Variants in TNFAIP8L1 observed in about 807,000 individuals in gnomAD.
TNFAIP8L1 encodes the protein TNF alpha induced protein 8 like 1.
For synonymous variants in TNFAIP8L1, 127 were observed against 125.6 expected, an observed-to-expected ratio of 1.01 and a Z score of -0.08; for missense variants, 225 against 266.1, an observed-to-expected ratio of 0.85 and a Z score of 1.08.
At chr19:4,650,656 C>T (rs965211359) in intron 1 of TNFAIP8L1, among the ~76,000 whole-genome samples, 2 of 152,040 alleles carry the variant, frequency 1.3e-5, no homozygotes, top group South Asian at 2.1e-4. Flanking sequence ...AGGCTCTCAC[C>T]TTGGCCACCT....
At position 4,654,614 on chromosome 19, in the gene TNFAIP8L1, T is replaced by C. The variant is rs1599832761; in HGVS notation, c.*2184T>C. 1 of 152,298 alleles carries C rather than the reference T, an allele frequency of 6.6e-6. No individual in the cohort carries two copies. Among genetic ancestry groups the C allele is most frequent in the East Asian group, 1.9e-4 (1 of 5,184 alleles). 9.4% of individuals were successfully genotyped at this position (152,298 alleles called of 1,614,324 possible). On this transcript the variant is annotated 3_prime_UTR_variant, in exon 2 of 2. Coordinates refer to ENST00000327473, the MANE Select transcript of TNFAIP8L1 (RefSeq NM_152362.3). ...ACCTCGGCCTCACAAAGTGTGCACA[T>C]TGTAATATCGTGATTTCATATTTGG...
In TNFAIP8L1 at chr19:4,653,210, CAGGAT is replaced by C. The variant is rs2145176131; in HGVS notation, c.*782_*786del. On this transcript the variant is annotated 3_prime_UTR_variant, in exon 2 of 2. Transcript: ENST00000327473. The stretch of plus-strand genomic sequence containing the variant: ...GTCCCAGCTACTCGGGAGGCTGAGG[CAGGAT>C]AATCACTTGAACCAGGAGGAGGAGG... 1 of 166,924 alleles carries C rather than the reference CAGGAT, an allele frequency of 6.0e-6. No individual in the cohort carries two copies. The highest frequency in any genetic ancestry group is 2.1e-4 in the South Asian group (1 of 4,818). 10.3% of individuals were successfully genotyped at this position (166,924 alleles called of 1,614,324 possible). A position where few individuals can be genotyped will look rare whatever the true frequency, so the allele number is the denominator to read the frequency against.
chr19:4,647,344 T>C (rs573502151), intron 1 of TNFAIP8L1, among the ~76,000 whole-genome samples: 130 of 152,062 alleles, frequency 8.5e-4, no homozygotes, highest in Non-Finnish European at 1.4e-3. Flanking sequence ...TGACGGAGTC[T>C]CGCTCTATCA....
In TNFAIP8L1 at chr19:4,655,365, T is replaced by C. The variant is rs1226475285; in HGVS notation, c.*2935T>C. On this transcript the variant is annotated 3_prime_UTR_variant, in exon 2 of 2. Transcript: ENST00000327473. ...CACTTATCTTAGGCCGAGAGACAGC[T>C]CTTCAAGAACGTACATGGATCCTGA... 1 of 152,264 alleles carries C rather than the reference T, an allele frequency of 6.6e-6. No individual in the cohort carries two copies. The highest frequency in any genetic ancestry group is 1.5e-5 in the Non-Finnish European group (1 of 68,062). 9.4% of individuals were successfully genotyped at this position (152,264 alleles called of 1,614,324 possible).
intron 1 of TNFAIP8L1, among the ~76,000 whole-genome samples, chr19:4,651,529 C>A (rs920279088): frequency 6.6e-6 from 1 of 151,988 alleles, no homozygotes; most frequent in African/African-American, 2.4e-5. Context: ...CTCCGCCTCC[C>A]GGGCTCAAGG....
chr19:4,652,194 T>C lies in TNFAIP8L1; in HGVS notation c.325T>C (p.Phe109Leu), dbSNP rs1568282840. The change falls in exon 2 of 2, where the codon TTC becomes CTC. Residue 109 changes from phenylalanine (F) to leucine (L), a missense_variant. Transcript: ENST00000327473. ...GGCCGTCAGCTTCCACCAGGTGGAC[T>C]TCACCTTCGACCGGCGCGTGCTGGC... ...MTAVSFHQVD[F>L]TFDRRVLAAG... 1 of 1,546,760 alleles carries C rather than the reference T, an allele frequency of 6.5e-7. No homozygotes were observed. Among genetic ancestry groups the C allele is most frequent in the Non-Finnish European group, 8.7e-7 (1 of 1,147,560 alleles).
chr19:4,642,761 G>A (rs1261394176), intron 1 of TNFAIP8L1, among the ~76,000 whole-genome samples: 1 of 151,932 alleles, frequency 6.6e-6, no homozygotes, highest in Non-Finnish European at 1.5e-5. Flanking sequence ...AGGGCAGGGA[G>A]GGGACAGGGC....
chr19:4,643,501 G>C (rs536581055), intron 1 of TNFAIP8L1, among the ~76,000 whole-genome samples: 151 of 152,324 alleles, frequency 9.9e-4, no homozygotes, highest in African/African-American at 3.0e-3. Context: ...AAAGTGTCCA[G>C]GCTCCCCGCC....
chr19:4,650,026 C>T (rs1347045956), intron 1 of TNFAIP8L1, among the ~76,000 whole-genome samples: 10 of 152,212 alleles, frequency 6.6e-5, no homozygotes, highest in South Asian at 2.1e-4. Flanking sequence ...TGAGAGAGAC[C>T]GGGGGCGGGT....
intron 1 of TNFAIP8L1, among the ~76,000 whole-genome samples, chr19:4,644,690 G>GC (rs1473430855): frequency 7.6e-6 from 1 of 132,330 alleles, no homozygotes; most frequent in Non-Finnish European, 1.5e-5. Context: ...TGCAACCTCT[G>GC]CCCCCCAGGT....
At position 4,652,242 on chromosome 19, in the gene TNFAIP8L1, G is replaced by A; in HGVS notation, c.373G>A (p.Asp125Asn). ...VLAAGLLECR[D>N]LLHQAVGPHL... is the part of the protein sequence containing the mutation. Reference sequence around the variant, plus strand: ...GGCCGCCGGGCTGCTCGAGTGCCGCGACCTGCTGCACCAGGCCGTGGGTCC... The same window carrying A: ...GGCCGCCGGGCTGCTCGAGTGCCGCAACCTGCTGCACCAGGCCGTGGGTCC... Residue 125 changes from aspartate (D) to asparagine (N), a missense_variant, in exon 2 of 2, where the codon GAC becomes AAC. Transcript: ENST00000327473. 1.3e-6 allele frequency: 2 copies of A among 1,553,246 alleles called. No individual in the cohort carries two copies. The highest frequency in any genetic ancestry group is 1.7e-4 in the Middle Eastern group (1 of 5,984).
chr19:4,648,980 A>C (rs1599827611), intron 1 of TNFAIP8L1, among the ~76,000 whole-genome samples: 1 of 133,024 alleles, frequency 7.5e-6, no homozygotes, highest in South Asian at 2.3e-4. Flanking sequence ...CCCAGGCTGG[A>C]GTCCAGTGGT....
At chr19:4,647,241 C>T (rs888763253) in intron 1 of TNFAIP8L1, among the ~76,000 whole-genome samples, 3 of 152,122 alleles carry the variant, frequency 2.0e-5, no homozygotes, top group Admixed American at 6.6e-5. Flanking sequence ...GTAGATCCCC[C>T]AAAGTGGAAT....
rs749788326 is a variant in TNFAIP8L1, at chr19:4,652,133, G to A, written c.264G>A (p.Arg88=). The part of the protein sequence containing the change: ...QLGGEELALL[R]RFRHRARCLA... ...GCGGTGAGGAGCTGGCGCTGCTGCGGCGCTTCCGCCACCGGGCGCGCTGCC... is the reference window on the plus strand; with the variant it reads ...GCGGTGAGGAGCTGGCGCTGCTGCGACGCTTCCGCCACCGGGCGCGCTGCC... The change falls in exon 2 of 2, where the codon CGG becomes CGA. Residue 88 remains arginine, a synonymous_variant. Transcript: ENST00000327473. 2 of 1,576,722 alleles carry A rather than the reference G, an allele frequency of 1.3e-6. No homozygotes were observed. Among genetic ancestry groups the A allele is most frequent in the East Asian group, 4.7e-5 (2 of 42,444 alleles).
chr19:4,644,104 C>T (rs2088287893), intron 1 of TNFAIP8L1, among the ~76,000 whole-genome samples: 1 of 151,988 alleles, frequency 6.6e-6, no homozygotes. Flanking sequence ...GCCTGTAATC[C>T]CAGCTACTTG....
chr19:4,639,525 C>CCCGGCT lies in TNFAIP8L1; in HGVS notation c.-102_-97dup, dbSNP rs1039790469. Reference sequence around the variant, plus strand: ...CTGCCCGCCCCGCCCCGGCCCCGGCCCCGGCTCCGGCGCTGCTCCCACCGC... The same window carrying CCCGGCT: ...CTGCCCGCCCCGCCCCGGCCCCGGCCCCGGCTCCGGCTCCGGCGCTGCTCCCACCGC... On this transcript the variant is annotated 5_prime_UTR_variant, in exon 1 of 2. Transcript: ENST00000327473. The CCCGGCT allele has an allele frequency of 4.6e-5, 7 of 151,768 alleles. No homozygotes were observed. The highest frequency in any genetic ancestry group is 8.9e-5 in the Non-Finnish European group (6 of 67,684). 9.4% of individuals were successfully genotyped at this position (151,768 alleles called of 1,614,324 possible).
rs1358140933 is a variant in TNFAIP8L1, at chr19:4,654,428, C to G, written c.*1998C>G. ...GTGAAATCTCGGCTCATTGCAGCCC[C>G]TTCCTTCCAGGCTCAAGTGATCCTC... On this transcript the variant is annotated 3_prime_UTR_variant, in exon 2 of 2. Transcript: ENST00000327473. The G allele has an allele frequency of 6.6e-6, 1 of 152,230 alleles. No individual in the cohort carries two copies. The highest frequency in any genetic ancestry group is 1.5e-5 in the Non-Finnish European group (1 of 68,076). The allele number at this position is 152,230 out of a possible 1,614,324, so 9.4% of individuals were successfully genotyped here. A position where few individuals can be genotyped will look rare whatever the true frequency, so the allele number is the denominator to read the frequency against.
At chr19:4,644,982 C>T (rs537819598) in intron 1 of TNFAIP8L1, among the ~76,000 whole-genome samples, 23 of 152,246 alleles carry the variant, frequency 1.5e-4, no homozygotes, top group South Asian at 8.3e-4. Context: ...CTGGCCTCGG[C>T]GGGAAGAGGC....
chr19:4,644,071 A>AT (rs1393300234), intron 1 of TNFAIP8L1, among the ~76,000 whole-genome samples: 16 of 147,156 alleles, frequency 1.1e-4, no homozygotes, highest in African/African-American at 3.0e-4. Context: ...AAAATACAAA[A>AT]TTAACCGGGC....
Sources: gnomAD v4.1 joint callset for allele counts (sites outside exome capture counted in the v4.1 genomes callset) on GRCh38, gnomAD v4.1.1 for gene constraint, MANE v1.5 for transcripts, NCBI Gene and HGNC (gene_info 2026-07-23, HGNC 2026-07-21) for gene names.